The following CROT variants were observed in gnomAD, a reference collection of about 807,000 sequenced individuals.
CROT encodes the protein carnitine O-octanoyltransferase, also known as peroxisomal carnitine O-octanoyltransferase.
CROT carries 84 observed loss-of-function variants against 89.2 expected under a neutral mutation model. The ratio of observed to expected loss-of-function variants is 0.94; its 90% CI spans 0.79 to 1.13. The LOEUF is 1.13. CROT is among the 50% of genes most tolerant of loss of function. The pLI, the probability that CROT is intolerant of heterozygous loss-of-function variation, is 0.00. For missense variants in CROT, 711 were observed against 727.8 expected (o/e 0.98, Z 0.27); for synonymous variants, 212 against 239.5 (o/e 0.89, Z 1.06).
intron 6 of CROT, among the ~76,000 whole-genome samples, chr7:87,363,447 C>G (rs1316045484): frequency 1.3e-5 from 2 of 152,066 alleles, no homozygotes; most frequent in African/African-American, 4.8e-5. Flanking sequence ...TTTTGGCTTT[C>G]TTTTGTTTAG....
intron 4 of CROT, among the ~76,000 whole-genome samples, chr7:87,360,352 T>A (rs1278506635): frequency 6.6e-6 from 1 of 152,164 alleles, no homozygotes; most frequent in East Asian, 1.9e-4. Flanking sequence ...TATTTATTTA[T>A]TTTTTGGAGA....
At chr7:87,362,569 T>G (rs1285837833) in intron 6 of CROT, among the ~76,000 whole-genome samples, 2 of 152,120 alleles carry the variant, frequency 1.3e-5, no homozygotes, top group Non-Finnish European at 2.9e-5. Flanking sequence ...GTGCTGAGAT[T>G]ACAGGCATGG....
rs1806704888 is a variant in CROT at position 87,373,482 on chromosome 7, A to G, written c.657-2150A>G. Among the ~76,000 whole-genome samples, 3 of 152,116 alleles carry G rather than the reference A, an allele frequency of 2.0e-5. 1 individual carries two copies. The highest frequency in any genetic ancestry group is 1.3e-4 in the Admixed American group (2 of 15,262). On this transcript the variant is annotated intron_variant, in intron 7 of 17. Transcript: ENST00000331536. ...ACATGTGCTTTTGGAATTGTATCTA[A>G]GAAACCATTGCCTAATCTGAGGACA...
In CROT at chr7:87,361,537, T is replaced by C. The variant is rs980787485; in HGVS notation, c.388T>C (p.Trp130Arg). Reference sequence around the variant, plus strand: ...ATTAGAAAGAGGAAGTATAACTCTTTGGCATAACTTGAACTACTGGCAGCT... The same window carrying C: ...ATTAGAAAGAGGAAGTATAACTCTTCGGCATAACTTGAACTACTGGCAGCT... ...TQLERGSITLWHNLNYWQLLR... is the reference protein window; with the variant it reads ...TQLERGSITLRHNLNYWQLLR... Residue 130 changes from tryptophan (W) to arginine (R), a missense_variant, in exon 5 of 18, where the codon TGG becomes CGG. Transcript: ENST00000331536. 1 of 1,602,066 alleles carries C rather than the reference T, an allele frequency of 6.2e-7. No individual in the cohort carries two copies. Among genetic ancestry groups the C allele is most frequent in the Non-Finnish European group, 8.5e-7 (1 of 1,174,788 alleles).
chr7:87,381,997 T>A lies in CROT; in HGVS notation c.1062+4T>A, dbSNP rs779612818. 3 of 1,595,196 alleles carry A rather than the reference T, an allele frequency of 1.9e-6. No homozygotes were observed. In the East Asian group the frequency reaches 6.7e-5, roughly 36 times the overall value. On this transcript the variant is annotated splice_donor_region_variant and intron_variant, in intron 11 of 17. Transcript: ENST00000331536. ...TCAGAATGAAGGAAGATGGAAGGTA[T>A]GTTTGAATAAATATTTCATCTTTTT... is the stretch of plus-strand genomic sequence containing the variant.
At chr7:87,371,965 G>T (rs916595430) in intron 7 of CROT, among the ~76,000 whole-genome samples, 4 of 142,972 alleles carry the variant, frequency 2.8e-5, no homozygotes, top group African/African-American at 1.1e-4. Context: ...CTGCACTCCA[G>T]CCTGGGTGAC....
At chr7:87,398,380 A>T (rs765143410) in intron 17 of CROT, 144 bp from the exon 18 acceptor site, 8 of 970,528 alleles carry the variant, frequency 8.2e-6, no homozygotes, top group Non-Finnish European at 1.3e-5. Context: ...TTTACCTTCA[A>T]TTGTGTCAGG....
At chr7:87,350,870 A>G (rs961012146) in intron 3 of CROT, among the ~76,000 whole-genome samples, 1 of 152,222 alleles carries the variant, frequency 6.6e-6, no homozygotes, top group African/African-American at 2.4e-5. Flanking sequence ...GGTAGCCATT[A>G]ATCAACTAAG....
intron 6 of CROT, among the ~76,000 whole-genome samples, chr7:87,362,793 A>G (rs1472974502): frequency 3.9e-5 from 6 of 152,152 alleles, no homozygotes; most frequent in Admixed American, 3.9e-4. Flanking sequence ...CTTACATAAA[A>G]TGTTATTTAA....
rs1807358962 is a variant in CROT, at chr7:87,391,603, A to G, written c.1316A>G (p.Tyr439Cys). The G allele has an allele frequency of 2.5e-6, 4 of 1,594,960 alleles. No homozygotes were observed. Among genetic ancestry groups the G allele is most frequent in the Non-Finnish European group, 3.4e-6 (4 of 1,174,746 alleles). The change falls in exon 14 of 18, where the codon TAT becomes TGT. Residue 439 changes from tyrosine (Y) to cysteine (C), a missense_variant. Tyr to Cys is a radical substitution (Grantham distance 194, BLOSUM62 -2). Transcript: ENST00000331536. ...YRLHGHPGCCYETAMTRHFYH... is the reference protein window; with the variant it reads ...YRLHGHPGCCCETAMTRHFYH... ...TTTTCTTGTAGCCCTGGTTGTTGCT[A>G]TGAAACAGCTATGACAAGACATTTT... is the stretch of plus-strand genomic sequence containing the variant.
In CROT at chr7:87,372,080, A is replaced by G. The variant is rs138791183; in HGVS notation, c.656+2596A>G. Among the ~76,000 whole-genome samples, 699 of 151,900 alleles carry G rather than the reference A, an allele frequency of 4.6e-3. 8 individuals are homozygous for G. The highest frequency in any genetic ancestry group is 0.015 in the African/African-American group (634 of 41,444). Reference sequence around the variant, plus strand: ...AAAAATGGTTTTCATTGTTGTTCGAATTGGCATATCCCTCATTACAAGTGA... The same window carrying G: ...AAAAATGGTTTTCATTGTTGTTCGAGTTGGCATATCCCTCATTACAAGTGA... On this transcript the variant is annotated intron_variant, in intron 7 of 17. Coordinates refer to ENST00000331536, the MANE Select transcript of CROT (RefSeq NM_021151.4).
At chr7:87,377,023 A>C (rs1806831276) in intron 9 of CROT, among the ~76,000 whole-genome samples, 1 of 152,104 alleles carries the variant, frequency 6.6e-6, no homozygotes, top group Non-Finnish European at 1.5e-5. Context: ...ACTTTTATCA[A>C]GATCTTTTAT....
At chr7:87,347,868 G>A (rs1053056500) in intron 2 of CROT, among the ~76,000 whole-genome samples, 4 of 152,044 alleles carry the variant, frequency 2.6e-5, no homozygotes, top group African/African-American at 9.7e-5. Context: ...ATTCCTTTTT[G>A]GGAGCATGAC....
In CROT at chr7:87,377,401, C is replaced by T. The variant is rs1204622156; in HGVS notation, c.929C>T (p.Ser310Phe). 16 of 1,611,514 alleles carry T rather than the reference C, an allele frequency of 9.9e-6. No individual in the cohort carries two copies. The highest frequency in any genetic ancestry group is 1.4e-5 in the Non-Finnish European group (16 of 1,178,262). The change falls in exon 10 of 18, where the codon TCC (serine) becomes TTC (phenylalanine). Residue 310 changes from serine (S) to phenylalanine (F), a missense_variant. Coordinates refer to ENST00000331536, the MANE Select transcript of CROT (RefSeq NM_021151.4). ...GDPTVRWGDK[S>F]YNLISFSNGV... ...CCAACAGTACGCTGGGGTGACAAAT[C>T]CTATAACTTGATTTCCTTTTCTAAT...
At chr7:87,365,812 C>G (rs951638542) in intron 6 of CROT, among the ~76,000 whole-genome samples, 2 of 151,818 alleles carry the variant, frequency 1.3e-5, no homozygotes, top group African/African-American at 4.8e-5. Flanking sequence ...TGCCATGTTG[C>G]CCAGGCTGGT....
intron 17 of CROT, among the ~76,000 whole-genome samples, chr7:87,396,924 T>G (rs1728998357): frequency 6.6e-6 from 1 of 152,204 alleles, no homozygotes; most frequent in Admixed American, 6.5e-5. Flanking sequence ...GGTTGTATAA[T>G]TTCCAGTCTT....
In CROT at chr7:87,361,489, T is replaced by G; in HGVS notation, c.340T>G (p.Trp114Gly). The stretch of plus-strand genomic sequence containing the variant: ...TCCTGCAGCTCATTTTGAACACTAC[T>G]GGCCTCCAAAGGAAGGGACTCAATT... ...AGPAAHFEHYWPPKEGTQLER... is the reference protein window; with the variant it reads ...AGPAAHFEHYGPPKEGTQLER... The change falls in exon 5 of 18, where the codon TGG becomes GGG. Residue 114 changes from tryptophan to glycine, a missense_variant. Transcript: ENST00000331536. 1 of 1,613,736 alleles carries G rather than the reference T, an allele frequency of 6.2e-7. No individual in the cohort carries two copies. Among genetic ancestry groups the G allele is most frequent in the Non-Finnish European group, 8.5e-7 (1 of 1,179,898 alleles).
At position 87,345,693 on chromosome 7, in the gene CROT, G is replaced by C; in HGVS notation, c.-187G>C. 1 of 374,406 alleles carries C rather than the reference G, an allele frequency of 2.7e-6. No individual in the cohort carries two copies. Among genetic ancestry groups the C allele is most frequent in the Non-Finnish European group, 4.7e-6 (1 of 211,232 alleles). The allele number at this position is 374,406 out of a possible 1,614,324, so 23.2% of individuals were successfully genotyped here. On this transcript the variant is annotated 5_prime_UTR_variant, in exon 1 of 18. Coordinates refer to ENST00000331536, the MANE Select transcript of CROT (RefSeq NM_021151.4). ...CAATTCCCGCACCTTTGAGGCCCAA[G>C]GGGGAGCGAGCCGGTGCTGCTGCAG...
Position 87,392,936 on chromosome 7 carries a change from T to G in CROT, c.1599-12T>G, listed in dbSNP as rs1807416517. The G allele has an allele frequency of 1.9e-6, 3 of 1,613,136 alleles. No individual in the cohort carries two copies. In the South Asian group the frequency reaches 3.3e-5, roughly 18 times the overall value. On this transcript the variant is annotated splice_polypyrimidine_tract_variant and intron_variant, in intron 16 of 17. Coordinates refer to ENST00000331536, the MANE Select transcript of CROT (RefSeq NM_021151.4). ...TAGGCCTAGTAAAATGTTCTTTTAT[T>G]GTGCCACACAGCGGAGGAGGTGGAA...
Sources: allele counts gnomAD v4.1 joint callset (sites outside exome capture counted in the v4.1 genomes callset), GRCh38; gene constraint gnomAD v4.1.1; transcripts MANE v1.5; gene names NCBI Gene and HGNC (gene_info 2026-07-23, HGNC 2026-07-21).